The following AKR1C4 variants were observed in gnomAD, a reference collection of about 807,000 sequenced individuals.
AKR1C4 encodes the protein 3-alpha-HSD1.
AKR1C4 carries 44 observed loss-of-function variants against 41.0 expected under a neutral mutation model. That is an observed-to-expected ratio of 1.07 (90% confidence interval 0.84 to 1.38). The LOEUF is 1.38. Ranked by LOEUF, AKR1C4 falls within the 40% of genes most tolerant of loss-of-function variation. The pLI is 0.00. For synonymous variants in AKR1C4, 165 were observed against 137.7 expected, an observed-to-expected ratio of 1.20 and a Z score of -1.39; for missense variants, 438 against 387.9, an observed-to-expected ratio of 1.13 and a Z score of -1.09.
Position 5,212,713 on chromosome 10 carries a change from G to A in AKR1C4, c.668G>A (p.Arg223Gln), listed in dbSNP as rs782129542. Residue 223 changes from arginine (R) to glutamine (Q), a missense_variant, in exon 6 of 9, where the codon CGA becomes CAA. Coordinates refer to ENST00000263126, the MANE Select transcript of AKR1C4 (RefSeq NM_001818.5). ...GCCCACAGTGCTCTGGGAACCCAACGACATAAACTATGGTAATAAGAGCAT... is the reference window on the plus strand; with the variant it reads ...GCCCACAGTGCTCTGGGAACCCAACAACATAAACTATGGTAATAAGAGCAT... ...LVAHSALGTQ[R>Q]HKLWVDPNSP... 2.9e-5 allele frequency: 46 copies of A among 1,611,472 alleles called. No homozygotes were observed. The highest frequency in any genetic ancestry group is 8.9e-5 in the East Asian group (4 of 44,862).
At chr10:5,218,542 G>GAAAAA (rs5782814) in intron 8 of AKR1C4, among the ~76,000 whole-genome samples, 176 bp from the exon 9 acceptor site, 3 of 146,518 alleles carry the variant, frequency 2.0e-5, no homozygotes, top group Non-Finnish European at 4.5e-5. Flanking sequence ...TTCTTATTTT[G>GAAAAA]AAAAAAAAAA....
intron 2 of AKR1C4, 76 bp from the exon 3 acceptor site, chr10:5,204,301 T>C: frequency 8.6e-7 from 1 of 1,169,236 alleles, no homozygotes; most frequent in Middle Eastern, 2.0e-4. Context: ...GAAAAATGTC[T>C]AAATATTAGG....
intron 1 of AKR1C4, 74 bp from the exon 2 acceptor site, chr10:5,200,107 C>G: frequency 1.3e-6 from 2 of 1,548,186 alleles, no homozygotes; most frequent in Non-Finnish European, 8.7e-7. Flanking sequence ...CCTGTGAGGA[C>G]AAGGGAACTT....
At chr10:5,197,726 G>A (rs981234655) in intron 1 of AKR1C4, among the ~76,000 whole-genome samples, 11 of 152,186 alleles carry the variant, frequency 7.2e-5, no homozygotes, top group Admixed American at 2.6e-4. Context: ...TTAATAAGGA[G>A]TAGTCACATA....
At chr10:5,213,199 C>A in intron 7 of AKR1C4, 40 bp downstream of exon 7, 9 of 1,605,722 alleles carry the variant, frequency 5.6e-6, no homozygotes, top group Non-Finnish European at 7.7e-6. Flanking sequence ...TGCACAGTGT[C>A]CTTCACACGT....
rs116931340 is a variant in AKR1C4 at position 5,198,961 on chromosome 10, T to C, written c.85-1220T>C. The stretch of plus-strand genomic sequence containing the variant: ...AAGGTGGGGGTGGGGGCAGATTTTG[T>C]AGTGAGCCAAGATTGTCCCACTTCA... On this transcript the variant is annotated intron_variant, in intron 1 of 8. Coordinates refer to ENST00000263126, the MANE Select transcript of AKR1C4 (RefSeq NM_001818.5). Among the ~76,000 whole-genome samples, 524 of 152,214 alleles carry C rather than the reference T, an allele frequency of 3.4e-3. 28 individuals are homozygous for C. The East Asian group carries it at 0.084, about 25-fold the overall frequency.
Position 5,205,668 on chromosome 10 carries a change from G to C in AKR1C4, c.370-89G>C, listed in dbSNP as rs3750568. 5 of 1,123,818 alleles carry C rather than the reference G, an allele frequency of 4.4e-6. No homozygotes were observed. The East Asian group carries it at 7.3e-5, about 16-fold the overall frequency. 69.6% of individuals were successfully genotyped at this position (1,123,818 alleles called of 1,614,324 possible). A position where few individuals can be genotyped will look rare whatever the true frequency, so the allele number is the denominator to read the frequency against. On this transcript the variant is annotated intron_variant, in intron 3 of 8. Coordinates refer to ENST00000263126, the MANE Select transcript of AKR1C4 (RefSeq NM_001818.5). ...TAGAACATTTCAGCACCTACCTCAC[G>C]GTGGATTATTATCCTAAAATGTACA...
chr10:5,213,291 A>T (rs573939175), intron 7 of AKR1C4, 132 bp downstream of exon 7: 12 of 1,412,822 alleles, frequency 8.5e-6, no homozygotes, highest in Non-Finnish European at 1.1e-5. Context: ...CTTTGTGTGC[A>T]TAAGTGTTTT....
chr10:5,210,583 T>A (rs1316713714), intron 5 of AKR1C4, among the ~76,000 whole-genome samples: 13 of 146,884 alleles, frequency 8.9e-5, no homozygotes, highest in African/African-American at 3.0e-4. Flanking sequence ...ATCTGAAATC[T>A]AGGTGGAGGT....
At chr10:5,210,435 C>CACT (rs1416537614) in intron 5 of AKR1C4, among the ~76,000 whole-genome samples, 1 of 152,138 alleles carries the variant, frequency 6.6e-6, no homozygotes, top group Non-Finnish European at 1.5e-5. Context: ...CTCAGAGCTC[C>CACT]ACTAGGTGGT....
At chr10:5,214,301 T>C (rs543374711) in intron 7 of AKR1C4, among the ~76,000 whole-genome samples, 14 of 152,304 alleles carry the variant, frequency 9.2e-5, no homozygotes, top group South Asian at 6.2e-4. Context: ...TTAACTTTCC[T>C]GTACTGTTTA....
chr10:5,207,533 A>T, intron 5 of AKR1C4: 1 of 531,078 alleles, frequency 1.9e-6, no homozygotes, highest in Non-Finnish European at 3.5e-6. Context: ...GAAAATAAAG[A>T]TGTCCCTGTA....
rs1832487830 is a variant in AKR1C4, at chr10:5,206,397, G to A, written c.570G>A (p.Gln190=). Residue 190 remains glutamine, a splice_region_variant and synonymous_variant, in exon 5 of 9, where the codon CAG becomes CAA. Coordinates refer to ENST00000263126, the MANE Select transcript of AKR1C4 (RefSeq NM_001818.5). The part of the protein sequence containing the change: ...PGLKYKPVCN[Q]VECHPYLNQS... Reference sequence around the variant, plus strand: ...TCAAGTACAAGCCTGTCTGCAACCAGGTGAGCACCCTCAGCCTCCTCTCCT... The same window carrying A: ...TCAAGTACAAGCCTGTCTGCAACCAAGTGAGCACCCTCAGCCTCCTCTCCT... The A allele has an allele frequency of 7.4e-6, 12 of 1,613,998 alleles. No individual in the cohort carries two copies. Among genetic ancestry groups the A allele is most frequent in the Non-Finnish European group, 9.3e-6 (11 of 1,179,938 alleles).
Position 5,204,377 on chromosome 10 carries a change from C to A in AKR1C4, c.253C>A (p.Leu85Ile). The A allele has an allele frequency of 3.1e-6, 5 of 1,609,086 alleles. No homozygotes were observed. Among genetic ancestry groups the A allele is most frequent in the Non-Finnish European group, 4.3e-6 (5 of 1,176,014 alleles). The change falls in exon 3 of 9, where the codon CTT becomes ATT. Residue 85 changes from leucine (L) to isoleucine (I), a missense_variant and splice_region_variant. Leu to Ile is a conservative substitution (Grantham distance 5). Transcript: ENST00000263126. The stretch of plus-strand genomic sequence containing the variant: ...ATAAATCCTTTATTTTACCATGCAG[C>A]TTTGGTGCACTTTCTTTCAACCACA... ...KREDIFYTSK[L>I]WCTFFQPQMV...
chr10:5,206,559 C>T (rs1313449133), intron 5 of AKR1C4, among the ~76,000 whole-genome samples, 162 bp downstream of exon 5: 3 of 152,186 alleles, frequency 2.0e-5, no homozygotes, highest in Non-Finnish European at 2.9e-5. Context: ...AATTGCACCT[C>T]TTCTTGGAGA....
intron 5 of AKR1C4, among the ~76,000 whole-genome samples, chr10:5,209,120 G>T (rs1832531886): frequency 6.6e-6 from 1 of 152,160 alleles, no homozygotes; most frequent in African/African-American, 2.4e-5. Context: ...ATGACAGATT[G>T]TCCCACAATT....
Position 5,218,778 on chromosome 10 carries a change from G to A in AKR1C4, c.*18G>A, listed in dbSNP as rs781884538. The A allele has an allele frequency of 3.1e-5, 50 of 1,598,960 alleles. No homozygotes were observed. The highest frequency in any genetic ancestry group is 3.7e-5 in the Non-Finnish European group (43 of 1,166,552). ...AATATTAGCATAGAGGGTGTTGCAC[G>A]ACATCTAGCAGAAGGCCCTGTGTGT... On this transcript the variant is annotated 3_prime_UTR_variant, in exon 9 of 9. Transcript: ENST00000263126.
rs367969537 is a variant in AKR1C4 at position 5,212,575 on chromosome 10, T to C, written c.571-41T>C. 12 of 1,536,238 alleles carry C rather than the reference T, an allele frequency of 7.8e-6. No homozygotes were observed. The African/African-American group carries it at 1.4e-4, about 18-fold the overall frequency. ...TTTAATCTTTATATTAACATATCTG[T>C]TTTGAATTATCTGATGCTTTTCTCT... On this transcript the variant is annotated intron_variant, in intron 5 of 8. Coordinates refer to ENST00000263126, the MANE Select transcript of AKR1C4 (RefSeq NM_001818.5).
chr10:5,207,573 G>A (rs1278970893), intron 5 of AKR1C4: 4 of 838,460 alleles, frequency 4.8e-6, no homozygotes, highest in South Asian at 1.3e-5. Context: ...TAGACTTGAA[G>A]AACTTGTCTC....
Sources: allele counts gnomAD v4.1 joint callset (sites outside exome capture counted in the v4.1 genomes callset), GRCh38; gene constraint gnomAD v4.1.1; transcripts MANE v1.5; gene names NCBI Gene and HGNC (gene_info 2026-07-23, HGNC 2026-07-21).